Variants in SLC4A8 observed in about 807,000 individuals in gnomAD.
SLC4A8 encodes solute carrier family 4 member 8.
In SLC4A8, 40 loss-of-function variants were observed where a neutral mutation model predicts 125.0. The observed-to-expected ratio is 0.32, with a 90% CI of 0.25 to 0.42. The LOEUF is 0.42. SLC4A8 is among the 10% of genes least tolerant of loss of function. The pLI is 1.00. For missense variants in SLC4A8, 863 were observed against 1,355.1 expected, an observed-to-expected ratio of 0.64 and a Z score of 5.70; for synonymous variants, 456 against 476.0, an observed-to-expected ratio of 0.96 and a Z score of 0.55.
intron 1 of SLC4A8, among the ~76,000 whole-genome samples, chr12:51,427,099 C>T (rs748687036): frequency 8.6e-5 from 13 of 151,818 alleles, no homozygotes; most frequent in South Asian, 2.1e-4. Flanking sequence ...CCACCACGCC[C>T]GGCTAATTTT....
rs1051621741 is a variant in SLC4A8, at chr12:51,499,550, C to A, written c.3081+2426C>A. ...TCCCTGACCGACCACATGGAGCTTA[C>A]ATTCTCTTGGAGGAGACACTGTCAA... is the stretch of plus-strand genomic sequence containing the variant. On this transcript the variant is annotated intron_variant, in intron 22 of 24. Coordinates refer to ENST00000453097, the MANE Select transcript of SLC4A8 (RefSeq NM_001039960.3). Among the ~76,000 whole-genome samples, 6 of 151,466 alleles carry A rather than the reference C, an allele frequency of 4.0e-5. No individual in the cohort carries two copies. In the East Asian group the frequency reaches 9.8e-4, roughly 25 times the overall value.
chr12:51,399,108 T>TTA (rs1351116660), intron 1 of SLC4A8, among the ~76,000 whole-genome samples: 1 of 152,244 alleles, frequency 6.6e-6, no homozygotes. Flanking sequence ...TTGAAGTCTA[T>TTA]CTGATATTAA....
Position 51,515,183 on chromosome 12 carries a change from A to G in SLC4A8, c.*7745A>G, listed in dbSNP as rs1354154527. On this transcript the variant is annotated 3_prime_UTR_variant, in exon 25 of 25. Transcript: ENST00000453097. ...AACATGCAGGCTTTTCACATGTGCA[A>G]TAATGCTGGAAACAGAAGCACCAAA... is the stretch of plus-strand genomic sequence containing the variant. 6.6e-6 allele frequency: 1 copy of G among 152,244 alleles called. No individual in the cohort carries two copies. The highest frequency in any genetic ancestry group is 2.4e-5 in the African/African-American group (1 of 41,468). The allele number at this position is 152,244 out of a possible 1,614,324, so 9.4% of individuals were successfully genotyped here.
At chr12:51,400,854 GTATATAAACA>G (rs1948377830) in intron 1 of SLC4A8, among the ~76,000 whole-genome samples, 1 of 114,488 alleles carries the variant, frequency 8.7e-6, no homozygotes, top group African/African-American at 3.5e-5. Flanking sequence ...GTTTATATAC[GTATATAAACA>G]TATATATGTA....
chr12:51,489,475 G>GA (rs1397664690), intron 18 of SLC4A8, among the ~76,000 whole-genome samples: 1 of 152,136 alleles, frequency 6.6e-6, no homozygotes, highest in East Asian at 1.9e-4. Flanking sequence ...GAGGCACTTG[G>GA]AAAAATAATC....
intron 1 of SLC4A8, among the ~76,000 whole-genome samples, chr12:51,399,831 A>C (rs1174643142): frequency 6.6e-6 from 1 of 152,154 alleles, no homozygotes; most frequent in Non-Finnish European, 1.5e-5. Context: ...AAATACAAAA[A>C]ATTAGCTGGG....
At chr12:51,436,232 A>C (rs1949407586) in intron 1 of SLC4A8, among the ~76,000 whole-genome samples, 1 of 152,182 alleles carries the variant, frequency 6.6e-6, no homozygotes, top group African/African-American at 2.4e-5. Context: ...AACACACAAC[A>C]AGCCTCAGAA....
chr12:51,499,907 G>A (rs1182171364), intron 22 of SLC4A8, among the ~76,000 whole-genome samples: 1 of 152,324 alleles, frequency 6.6e-6, no homozygotes, highest in Non-Finnish European at 1.5e-5. Flanking sequence ...GACTGGAAGG[G>A]ACAGAGTGGT....
chr12:51,405,007 G>A (rs1014031653), intron 1 of SLC4A8, among the ~76,000 whole-genome samples: 1 of 152,208 alleles, frequency 6.6e-6, no homozygotes, highest in Non-Finnish European at 1.5e-5. Flanking sequence ...GGCTGTCTAT[G>A]TTCATGAAAA....
intron 1 of SLC4A8, among the ~76,000 whole-genome samples, chr12:51,401,918 C>T (rs1434314154): frequency 6.6e-6 from 1 of 151,446 alleles, no homozygotes; most frequent in African/African-American, 2.4e-5. Flanking sequence ...ACATGTGCAA[C>T]CACACCCAGC....
At chr12:51,425,350 C>T (rs1948935009) in intron 1 of SLC4A8, 2 of 1,189,236 alleles carry the variant, frequency 1.7e-6, no homozygotes, top group African/African-American at 1.6e-5. Flanking sequence ...TGGAAGGGGC[C>T]GGCGTCTGGC....
chr12:51,515,329 T>A lies in SLC4A8; in HGVS notation c.*7891T>A, dbSNP rs1938494976. On this transcript the variant is annotated 3_prime_UTR_variant, in exon 25 of 25. Coordinates refer to ENST00000453097, the MANE Select transcript of SLC4A8 (RefSeq NM_001039960.3). ...TCTTGTTTATCTGTGTCTGTCTGTC[T>A]GATTGGTTAGATTTGGCTGCCCTTC... 1 of 152,242 alleles carries A rather than the reference T, an allele frequency of 6.6e-6. No individual in the cohort carries two copies. Among genetic ancestry groups the A allele is most frequent in the African/African-American group, 2.4e-5 (1 of 41,464 alleles). 9.4% of individuals were successfully genotyped at this position (152,242 alleles called of 1,614,324 possible). A position where few individuals can be genotyped will look rare whatever the true frequency, so the allele number is the denominator to read the frequency against.
At chr12:51,464,477 A>G (rs1228881408) in intron 11 of SLC4A8, among the ~76,000 whole-genome samples, 1 of 152,180 alleles carries the variant, frequency 6.6e-6, no homozygotes, top group African/African-American at 2.4e-5. Context: ...GGAGGAGGTA[A>G]GTGAGGGAAG....
At chr12:51,412,564 C>A (rs1178781397) in intron 1 of SLC4A8, among the ~76,000 whole-genome samples, 1 of 152,200 alleles carries the variant, frequency 6.6e-6, no homozygotes, top group African/African-American at 2.4e-5. Context: ...CATTAACCAA[C>A]CTCTGTTCAT....
rs566547651 is a variant in SLC4A8 at position 51,509,302 on chromosome 12, G to A, written c.*1864G>A. ...GCAGACAGGATAGGTCATGCTTCTT[G>A]GAACCTATATGGGCATTAAAATCTT... On this transcript the variant is annotated 3_prime_UTR_variant, in exon 25 of 25. Coordinates refer to ENST00000453097, the MANE Select transcript of SLC4A8 (RefSeq NM_001039960.3). 6.6e-6 allele frequency: 1 copy of A among 152,354 alleles called. No homozygotes were observed. Among genetic ancestry groups the A allele is most frequent in the South Asian group, 2.1e-4 (1 of 4,824 alleles). 9.4% of individuals were successfully genotyped at this position (152,354 alleles called of 1,614,324 possible).
At chr12:51,495,229 G>A in intron 21 of SLC4A8, 111 bp downstream of exon 21, 1 of 882,544 alleles carries the variant, frequency 1.1e-6, no homozygotes. Flanking sequence ...GTGGCATTAA[G>A]TACATTCACA....
chr12:51,413,174 T>G (rs192818169), intron 1 of SLC4A8, among the ~76,000 whole-genome samples: 36 of 152,348 alleles, frequency 2.4e-4, no homozygotes, highest in African/African-American at 8.2e-4. Flanking sequence ...GTTAGTGATA[T>G]TGAGCATTTT....
intron 13 of SLC4A8, 128 bp downstream of exon 13, chr12:51,470,653 C>A (rs1262067965): frequency 3.5e-6 from 3 of 863,662 alleles, no homozygotes; most frequent in East Asian, 5.0e-5. Context: ...TGAAAGGAGA[C>A]CATCATTTGG....
chr12:51,507,447 G>T lies in SLC4A8; in HGVS notation c.*9G>T. Reference sequence around the variant, plus strand: ...TCAGTCTCTTCAACTAAGAGTCTTTGCTGGGATGGAAGATTTGGGCCGTGT... The same window carrying T: ...TCAGTCTCTTCAACTAAGAGTCTTTTCTGGGATGGAAGATTTGGGCCGTGT... On this transcript the variant is annotated 3_prime_UTR_variant, in exon 25 of 25. Transcript: ENST00000453097. The T allele has an allele frequency of 1.4e-6, 2 of 1,392,670 alleles. No homozygotes were observed. The highest frequency in any genetic ancestry group is 1.9e-6 in the Non-Finnish European group (2 of 1,066,300). 86.3% of individuals were successfully genotyped at this position (1,392,670 alleles called of 1,614,324 possible).
Sources: gnomAD v4.1 joint callset for allele counts (sites outside exome capture counted in the v4.1 genomes callset) on GRCh38, gnomAD v4.1.1 for gene constraint, MANE v1.5 for transcripts, NCBI Gene and HGNC (gene_info 2026-07-23, HGNC 2026-07-21) for gene names.